The following SDK1 variants were observed in gnomAD, a reference collection of about 807,000 sequenced individuals.
SDK1 encodes sidekick cell adhesion molecule 1, also known as protein sidekick-1.
Under a neutral mutation model 245.5 loss-of-function variants are expected in SDK1, and 157 were observed. The observed-to-expected ratio is 0.64, with a 90% CI of 0.56 to 0.73. SDK1 has a LOEUF of 0.73. Among genes scored for constraint, SDK1 ranks in the 30% least tolerant of loss-of-function variants. The probability of loss-of-function intolerance (pLI) is 0.00; values close to 1 mark genes in which losing one functional copy is unlikely to be tolerated. For synonymous variants in SDK1, 1,647 were observed against 1,278.5 expected (o/e 1.29, Z -6.15); for missense variants, 3,583 against 3,002.3 (o/e 1.19, Z -4.52).
intron 1 of SDK1, among the ~76,000 whole-genome samples, chr7:3,430,312 C>T (rs931037315): frequency 6.6e-6 from 1 of 151,950 alleles, no homozygotes; most frequent in Admixed American, 6.5e-5. Flanking sequence ...GGGACTGTGT[C>T]CTAATTAGTA....
intron 1 of SDK1, among the ~76,000 whole-genome samples, chr7:3,371,978 A>G (rs532910409): frequency 1.2e-4 from 19 of 152,342 alleles, no homozygotes; most frequent in African/African-American, 4.3e-4. Flanking sequence ...GGTTTGTCTC[A>G]GGTATCTTGT....
chr7:3,805,214 A>G (rs1300839400), intron 4 of SDK1, among the ~76,000 whole-genome samples: 4 of 152,158 alleles, frequency 2.6e-5, no homozygotes, highest in African/African-American at 9.7e-5. Flanking sequence ...TTGTATGTGT[A>G]TCTTGTATTC....
intron 4 of SDK1, among the ~76,000 whole-genome samples, chr7:3,796,892 A>G (rs1778973564): frequency 6.6e-6 from 1 of 152,176 alleles, no homozygotes; most frequent in Non-Finnish European, 1.5e-5. Context: ...ACATTTAGAA[A>G]GTAAGTTCAA....
At chr7:3,946,625 T>G (rs1254004303) in intron 5 of SDK1, among the ~76,000 whole-genome samples, 1 of 152,166 alleles carries the variant, frequency 6.6e-6, no homozygotes, top group Admixed American at 6.5e-5. Flanking sequence ...CCAAAAATCA[T>G]TTTTTACCTC....
intron 5 of SDK1, among the ~76,000 whole-genome samples, chr7:3,941,466 C>A (rs577047541): frequency 6.6e-6 from 1 of 152,166 alleles, no homozygotes; most frequent in Non-Finnish European, 1.5e-5. Flanking sequence ...TGCCCCCCCA[C>A]TGCCCCTCAA....
chr7:3,376,473 G>T (rs1781358967), intron 1 of SDK1, among the ~76,000 whole-genome samples: 1 of 152,126 alleles, frequency 6.6e-6, no homozygotes, highest in Admixed American at 6.6e-5. Context: ...AAATGGGATG[G>T]CTGAGGACAC....
intron 1 of SDK1, among the ~76,000 whole-genome samples, chr7:3,599,137 G>A (rs1453389412): frequency 2.4e-5 from 3 of 124,106 alleles, no homozygotes; most frequent in Non-Finnish European, 4.8e-5. Context: ...GGCATCTGGC[G>A]TTCTCGCTGT....
chr7:3,820,088 A>G (rs548245793), intron 4 of SDK1, among the ~76,000 whole-genome samples: 81 of 152,350 alleles, frequency 5.3e-4, no homozygotes, highest in Non-Finnish European at 6.2e-4. Flanking sequence ...TTTGGTGCTC[A>G]GAATGCATCT....
chr7:3,303,798 C>T (rs1481731349), intron 1 of SDK1, among the ~76,000 whole-genome samples: 1 of 152,070 alleles, frequency 6.6e-6, no homozygotes, highest in African/African-American at 2.4e-5. Flanking sequence ...GGAGATGTCA[C>T]CATTTGACAA....
chr7:4,059,618 A>G lies in SDK1; in HGVS notation c.2911+7788A>G, dbSNP rs989872053. Among the ~76,000 whole-genome samples the G allele has an allele frequency of 5.3e-5, 8 of 152,350 alleles. No homozygotes were observed. In the South Asian group the frequency reaches 1.4e-3, roughly 28 times the overall value. On this transcript the variant is annotated intron_variant, in intron 19 of 44. Transcript: ENST00000404826. ...CTAACAGACATTTACAGAACATTTC[A>G]TCTAATAGCTACAGAATGCACATTC...
chr7:3,632,844 T>C (rs1473640381), intron 2 of SDK1, among the ~76,000 whole-genome samples: 1 of 152,210 alleles, frequency 6.6e-6, no homozygotes, highest in African/African-American at 2.4e-5. Context: ...ATTGTCCTTG[T>C]GTTTTTCTGA....
chr7:4,257,412 T>A (rs1787702050), intron 44 of SDK1, among the ~76,000 whole-genome samples: 1 of 152,194 alleles, frequency 6.6e-6, no homozygotes, highest in South Asian at 2.1e-4. Flanking sequence ...TCTGCAGCAT[T>A]TCCATTTTGT....
intron 13 of SDK1, among the ~76,000 whole-genome samples, chr7:3,980,470 C>G (rs1192766280): frequency 6.6e-6 from 1 of 152,198 alleles, no homozygotes; most frequent in East Asian, 1.9e-4. Context: ...GTGAGTCACT[C>G]TACTGATCAT....
chr7:4,250,842 C>T (rs567204344), intron 44 of SDK1, among the ~76,000 whole-genome samples: 2 of 152,226 alleles, frequency 1.3e-5, no homozygotes, highest in Non-Finnish European at 2.9e-5. Flanking sequence ...ATATACGATT[C>T]AATGGTTTTT....
At chr7:3,406,444 A>G (rs1305528092) in intron 1 of SDK1, among the ~76,000 whole-genome samples, 1 of 152,048 alleles carries the variant, frequency 6.6e-6, no homozygotes, top group Non-Finnish European at 1.5e-5. Context: ...TCTCCAATGG[A>G]CTGGCTTGGC....
At chr7:3,376,569 T>A (rs138555309) in intron 1 of SDK1, among the ~76,000 whole-genome samples, 82 of 152,288 alleles carry the variant, frequency 5.4e-4, no homozygotes, top group African/African-American at 1.9e-3. Flanking sequence ...GGTCACATTG[T>A]ATTTACCAGA....
chr7:3,740,510 G>C (rs760170992), intron 4 of SDK1, among the ~76,000 whole-genome samples: 5 of 152,300 alleles, frequency 3.3e-5, no homozygotes, highest in South Asian at 2.1e-4. Flanking sequence ...ATTTAGGTCA[G>C]ATACAGGCAA....
chr7:4,125,489 TGATGGATGGATGGATGGATGGATGGA>T (rs1784336839), intron 25 of SDK1, among the ~76,000 whole-genome samples: 1 of 146,416 alleles, frequency 6.8e-6, no homozygotes, highest in Non-Finnish European at 1.5e-5. Context: ...ATGGATTGAT[TGATGGATGGATGGATGGATGGATGGA>T]GATGGATGGA....
chr7:3,575,423 C>T (rs765154963), intron 1 of SDK1, among the ~76,000 whole-genome samples: 45 of 152,002 alleles, frequency 3.0e-4, no homozygotes, highest in African/African-American at 9.7e-4. Flanking sequence ...GTTAGGGCAT[C>T]AAACGAATGA....
Sources: gnomAD v4.1 joint callset for allele counts (sites outside exome capture counted in the v4.1 genomes callset) on GRCh38, gnomAD v4.1.1 for gene constraint, MANE v1.5 for transcripts, NCBI Gene and HGNC (gene_info 2026-07-23, HGNC 2026-07-21) for gene names.